REEP5: variants seen among roughly 807,000 people sequenced by gnomAD.
REEP5 encodes the protein receptor accessory protein 5, also known as receptor expression-enhancing protein 5.
Under a neutral mutation model 22.4 loss-of-function variants are expected in REEP5, and 24 were observed. The observed-to-expected ratio is 1.07, with a 90% CI of 0.78 to 1.51. The LOEUF is 1.51. Among genes scored for constraint, REEP5 ranks in the 40% most tolerant of loss-of-function variants. The pLI is 0.00. For synonymous variants in REEP5, 103 were observed against 88.6 expected, an observed-to-expected ratio of 1.16 and a Z score of -0.92; for missense variants, 252 against 233.0, an observed-to-expected ratio of 1.08 and a Z score of -0.53.
chr5:112,901,190 G>A (rs1245868941), intron 3 of REEP5, among the ~76,000 whole-genome samples: 1 of 152,102 alleles, frequency 6.6e-6, no homozygotes, highest in Non-Finnish European at 1.5e-5. Context: ...GTTTTGGTCA[G>A]GAGCAACAAT....
rs1769386889 is a variant in REEP5, at chr5:112,922,095, C to A, written c.96G>T (p.Val32=). 2.5e-6 allele frequency: 4 copies of A among 1,604,542 alleles called. No homozygotes were observed. The highest frequency in any genetic ancestry group is 3.4e-6 in the Non-Finnish European group (4 of 1,175,778). ...CACCAAGAGCGATGAAGCTCCTGTTCACGCCGGTTTTGGCCTCGAGCTTGG... is the reference window on the plus strand; with the variant it reads ...CACCAAGAGCGATGAAGCTCCTGTTAACGCCGGTTTTGGCCTCGAGCTTGG... ...LLAKLEAKTG[V]NRSFIALGVI... is the part of the protein sequence containing the mutation. Residue 32 remains valine, a synonymous_variant, in exon 1 of 5, where the codon GTG becomes GTT. Transcript: ENST00000379638.
At chr5:112,878,892 A>C in intron 4 of REEP5, 57 bp from the exon 5 acceptor site, 1 of 1,612,940 alleles carries the variant, frequency 6.2e-7, no homozygotes, top group African/African-American at 1.3e-5. Context: ...TTTGGAATGC[A>C]AGCTTGCAAG....
intron 2 of REEP5, among the ~76,000 whole-genome samples, chr5:112,904,483 G>T (rs1336703558): frequency 6.6e-6 from 1 of 152,154 alleles, no homozygotes; most frequent in Non-Finnish European, 1.5e-5. Flanking sequence ...TTTTGTGAAC[G>T]CAATAGCTCA....
chr5:112,887,201 C>T lies in REEP5; in HGVS notation c.352-18G>A. The T allele has an allele frequency of 1.3e-6, 2 of 1,561,192 alleles. No individual in the cohort carries two copies. The highest frequency in any genetic ancestry group is 1.7e-6 in the Non-Finnish European group (2 of 1,144,658). On this transcript the variant is annotated intron_variant, in intron 3 of 4. Coordinates refer to ENST00000379638, the MANE Select transcript of REEP5 (RefSeq NM_005669.5). ...AAGCCACACTGCACAGAAAAAGAGCCAGCATGGGTAACAGGAGGGTGGAGG... is the reference window on the plus strand; with the variant it reads ...AAGCCACACTGCACAGAAAAAGAGCTAGCATGGGTAACAGGAGGGTGGAGG...
intron 2 of REEP5, among the ~76,000 whole-genome samples, chr5:112,910,234 T>C (rs1228823636): frequency 6.6e-6 from 1 of 151,764 alleles, no homozygotes; most frequent in Admixed American, 6.6e-5. Context: ...ACCCGGGAGG[T>C]GGAGCTGCAG....
chr5:112,880,979 A>G (rs1180477751), intron 4 of REEP5, among the ~76,000 whole-genome samples: 1 of 152,028 alleles, frequency 6.6e-6, no homozygotes, highest in Admixed American at 6.6e-5. Flanking sequence ...AAATACAAGT[A>G]TCAGCTGGGC....
Position 112,902,484 on chromosome 5 carries a change from C to G in REEP5, c.247G>C (p.Asp83His), listed in dbSNP as rs758022891. The change falls in exon 3 of 5, where the codon GAT becomes CAT. Residue 83 changes from aspartate (D) to histidine (H), a missense_variant. Asp to His is a moderately conservative substitution (Grantham distance 81). Transcript: ENST00000379638. ...KAIESPNKED[D>H]TQWLTYWVVY... ...ACCCAGTAGGTCAGCCACTGGGTAT[C>G]ATCTTCTTTGTTGGGACTCTCTATA... 1.2e-6 allele frequency: 2 copies of G among 1,609,852 alleles called. No individual in the cohort carries two copies. The highest frequency in any genetic ancestry group is 2.2e-5 in the East Asian group (1 of 44,692).
intron 2 of REEP5, among the ~76,000 whole-genome samples, chr5:112,918,623 C>T (rs1324581243): frequency 6.6e-6 from 1 of 152,178 alleles, no homozygotes; most frequent in Non-Finnish European, 1.5e-5. Context: ...CCAAAGTGAC[C>T]TTAAAATATA....
At chr5:112,913,731 C>T (rs776104545) in intron 2 of REEP5, among the ~76,000 whole-genome samples, 10 of 152,156 alleles carry the variant, frequency 6.6e-5, no homozygotes, top group South Asian at 2.1e-4. Flanking sequence ...TATAACAATG[C>T]GGAATGTGGA....
chr5:112,921,131 G>A, intron 2 of REEP5, 32 bp downstream of exon 2: 3 of 1,602,762 alleles, frequency 1.9e-6, no homozygotes, highest in Non-Finnish European at 2.6e-6. Flanking sequence ...ATGGAGGAAG[G>A]GAAGGGGACG....
At chr5:112,904,307 ATCCTTTATGTGTAAGATTTCTTC>A (rs2150044787) in intron 2 of REEP5, among the ~76,000 whole-genome samples, 1 of 152,360 alleles carries the variant, frequency 6.6e-6, no homozygotes, top group East Asian at 1.9e-4. Flanking sequence ...AACACAGTAT[ATCCTTTATGTGTAAGATTTCTTC>A]TCCCGCTGTG....
rs1769390032 is a variant in REEP5 at position 112,922,179 on chromosome 5, G to A, written c.12C>T (p.Ala4=). 6.2e-7 allele frequency: 1 copy of A among 1,607,004 alleles called. No individual in the cohort carries two copies. MSA[A]MRERFDRFLH... is the part of the protein sequence containing the mutation. ...GGAACCGGTCGAACCTCTCCCTCATGGCCGCAGACATGGCGGGGACCGTCT... is the reference window on the plus strand; with the variant it reads ...GGAACCGGTCGAACCTCTCCCTCATAGCCGCAGACATGGCGGGGACCGTCT... The change falls in exon 1 of 5, where the codon GCC becomes GCT. Residue 4 remains alanine, a synonymous_variant. Transcript: ENST00000379638.
intron 2 of REEP5, among the ~76,000 whole-genome samples, chr5:112,904,542 T>G (rs1768913687): frequency 6.6e-6 from 1 of 152,206 alleles, no homozygotes; most frequent in African/African-American, 2.4e-5. Flanking sequence ...ACCTGGGAAT[T>G]AAACAGTCTT....
At chr5:112,903,991 CTAG>C (rs763299589) in intron 2 of REEP5, among the ~76,000 whole-genome samples, 1 of 152,186 alleles carries the variant, frequency 6.6e-6, no homozygotes, top group Non-Finnish European at 1.5e-5. Flanking sequence ...ACCACCACAC[CTAG>C]CTACTTGCTA....
intron 4 of REEP5, among the ~76,000 whole-genome samples, chr5:112,884,068 C>A (rs1032139420): frequency 4.6e-5 from 7 of 152,220 alleles, no homozygotes; most frequent in Non-Finnish European, 8.8e-5. Context: ...GTTCTCCCAA[C>A]TTCCTGCCTT....
In REEP5 at chr5:112,887,104, A is replaced by G; in HGVS notation, c.431T>C (p.Phe144Ser). 2 of 1,613,730 alleles carry G rather than the reference A, an allele frequency of 1.2e-6. No homozygotes were observed. The highest frequency in any genetic ancestry group is 1.7e-6 in the Non-Finnish European group (2 of 1,179,944). The stretch of plus-strand genomic sequence containing the variant: ...CATCTGGGACTCGTGCTTCAGGAAG[A>G]AAGGACGGATGATGCGCTTGTAGAG... Reference protein sequence around the residue: ...ELLYKRIIRPFFLKHESQMDS... With the variant: ...ELLYKRIIRPSFLKHESQMDS... Residue 144 changes from phenylalanine (F) to serine (S), a missense_variant, in exon 4 of 5, where the codon TTC becomes TCC. Coordinates refer to ENST00000379638, the MANE Select transcript of REEP5 (RefSeq NM_005669.5).
chr5:112,883,218 G>C (rs1056800084), intron 4 of REEP5, among the ~76,000 whole-genome samples: 2 of 152,160 alleles, frequency 1.3e-5, no homozygotes, highest in African/African-American at 4.8e-5. Context: ...TTTCTCAAAA[G>C]AAAGATCTAT....
At chr5:112,900,812 A>T in intron 3 of REEP5, among the ~76,000 whole-genome samples, 1 of 152,142 alleles carries the variant, frequency 6.6e-6, no homozygotes, top group Non-Finnish European at 1.5e-5. Flanking sequence ...TTGTAGGCTA[A>T]AATAAAAAGA....
intron 4 of REEP5, among the ~76,000 whole-genome samples, chr5:112,884,779 G>GC (rs35461707): frequency 0.021 from 3,101 of 147,814 alleles, 54 homozygotes; most frequent in East Asian, 0.034. Context: ...CCAGTCCTTG[G>GC]CCCCCCCCCA....
Sources: allele counts gnomAD v4.1 joint callset (sites outside exome capture counted in the v4.1 genomes callset), GRCh38; gene constraint gnomAD v4.1.1; transcripts MANE v1.5; gene names NCBI Gene and HGNC (gene_info 2026-07-23, HGNC 2026-07-21).